Variants in SPATS1 observed in about 807,000 individuals in gnomAD.
SPATS1 encodes spermatogenesis-associated serine-rich protein 1.
In SPATS1, 23 loss-of-function variants were observed where a neutral mutation model predicts 33.6. The observed-to-expected ratio is 0.68, with a 90% CI of 0.49 to 0.97. The LOEUF (loss-of-function observed/expected upper bound fraction) is 0.97. SPATS1 is among the 50% of genes least tolerant of loss of function. SPATS1 has a pLI of 0.00. For synonymous variants in SPATS1, 131 were observed against 125.6 expected (o/e 1.04, Z -0.29); for missense variants, 327 against 361.0 (o/e 0.91, Z 0.76).
rs55976441 is a variant in SPATS1, at chr6:44,379,599, CAAAAAAAAAAAAA to C, written c.*2552_*2564del. 1.8e-5 allele frequency among the ~76,000 whole-genome samples: 1 copy of C among 54,742 alleles called. No individual in the cohort carries two copies. The highest frequency in any genetic ancestry group is 3.1e-5 in the Non-Finnish European group (1 of 32,096). The allele number at this position is 54,742 out of a possible 152,430, so 35.9% of individuals were successfully genotyped here. A position where few individuals can be genotyped will look rare whatever the true frequency, so the allele number is the denominator to read the frequency against. ...TGGGCAACAGAGTGAGACTCTGTCT[CAAAAAAAAAAAAA>C]AAAAAAAAAAAAAAAGAAAGAAAGA... On this transcript the variant is annotated 3_prime_UTR_variant, in exon 9 of 9. Coordinates refer to ENST00000674044, the MANE Select transcript of SPATS1 (RefSeq NM_001372081.1).
At chr6:44,366,296 G>A (rs996250609) in intron 5 of SPATS1, among the ~76,000 whole-genome samples, 1 of 151,760 alleles carries the variant, frequency 6.6e-6, no homozygotes, top group Admixed American at 6.6e-5. Context: ...AGCTAATTTT[G>A]TATTTTTAGT....
intron 2 of SPATS1, among the ~76,000 whole-genome samples, chr6:44,351,122 C>CAAAAAAAAAAAAAAAA (rs34139961): frequency 1.3e-5 from 1 of 75,516 alleles, no homozygotes; most frequent in Non-Finnish European, 2.6e-5. Flanking sequence ...GACTCTGTGT[C>CAAAAAAAAAAAAAAAA]AAAAAAAAAA....
rs571680001 is a variant in SPATS1, at chr6:44,343,228, A to T, written c.133A>T (p.Thr45Ser). Reference sequence around the variant, plus strand: ...CTCTGGCATGACCGAGGTGGAGAGGACCTACAGTTGAGTTCTAAGAAATCC... The same window carrying T: ...CTCTGGCATGACCGAGGTGGAGAGGTCCTACAGTTGAGTTCTAAGAAATCC... ...RDSGMTEVER[T>S]YSANCSDFLE... Residue 45 changes from threonine (T) to serine (S), a missense_variant, in exon 2 of 9, where the codon ACC (threonine) becomes TCC (serine). Transcript: ENST00000674044. 2.5e-6 allele frequency: 4 copies of T among 1,613,270 alleles called. No homozygotes were observed. The highest frequency in any genetic ancestry group is 3.4e-6 in the Non-Finnish European group (4 of 1,179,792).
intron 1 of SPATS1, 136 bp from the exon 2 acceptor site, chr6:44,342,960 C>G: frequency 7.9e-7 from 1 of 1,273,572 alleles, no homozygotes; most frequent in East Asian, 2.6e-5. Context: ...GAGTAAGGCT[C>G]CCGTTTAGAG....
chr6:44,345,841 G>A (rs1173613639), intron 2 of SPATS1, among the ~76,000 whole-genome samples: 12 of 152,144 alleles, frequency 7.9e-5, no homozygotes, highest in East Asian at 1.9e-4. Flanking sequence ...CATAGGCTTC[G>A]GAAGTCACAT....
chr6:44,344,390 C>CGT (rs70993448), intron 2 of SPATS1, among the ~76,000 whole-genome samples: 17,825 of 145,278 alleles, frequency 0.12, 1,189 homozygotes, highest in Admixed American at 0.25. Context: ...ATTGAAGATA[C>CGT]GTGTGTGTGT....
chr6:44,377,304 A>G lies in SPATS1; in HGVS notation c.*241A>G. 1 of 570,998 alleles carries G rather than the reference A, an allele frequency of 1.8e-6. No individual in the cohort carries two copies. Among genetic ancestry groups the G allele is most frequent in the Admixed American group, 3.1e-5 (1 of 32,440 alleles). The allele number at this position is 570,998 out of a possible 1,614,324, so 35.4% of individuals were successfully genotyped here. On this transcript the variant is annotated 3_prime_UTR_variant, in exon 9 of 9. Coordinates refer to ENST00000674044, the MANE Select transcript of SPATS1 (RefSeq NM_001372081.1). Reference sequence around the variant, plus strand: ...TTCTATCATTGTTAATATTTGTTCAAACTTTCTCTCTCTCACAATATTACA... The same window carrying G: ...TTCTATCATTGTTAATATTTGTTCAGACTTTCTCTCTCTCACAATATTACA...
At chr6:44,351,580 C>A (rs1788247807) in intron 2 of SPATS1, among the ~76,000 whole-genome samples, 1 of 152,132 alleles carries the variant, frequency 6.6e-6, no homozygotes, top group Non-Finnish European at 1.5e-5. Flanking sequence ...TATGCATAAT[C>A]TTTTCATCGG....
At chr6:44,346,069 T>C (rs1225792344) in intron 2 of SPATS1, among the ~76,000 whole-genome samples, 1 of 151,952 alleles carries the variant, frequency 6.6e-6, no homozygotes, top group Non-Finnish European at 1.5e-5. Flanking sequence ...TCACTTGAGC[T>C]CAGGAGTTTG....
At position 44,371,944 on chromosome 6, in the gene SPATS1, CAAAAAA is replaced by C. The variant is rs1217507871; in HGVS notation, c.758+1844_758+1849del. Among the ~76,000 whole-genome samples, 3 of 67,770 alleles carry C rather than the reference CAAAAAA, an allele frequency of 4.4e-5. No homozygotes were observed. The East Asian group carries it at 9.6e-4, about 22-fold the overall frequency. 44.5% of individuals were successfully genotyped at this position (67,770 alleles called of 152,430 possible). A position where few individuals can be genotyped will look rare whatever the true frequency, so the allele number is the denominator to read the frequency against. ...TGGGCGACACAGCGAGACTCCGTCT[CAAAAAA>C]AAAAAAAAAAAAGATTTTTGTTTGC... On this transcript the variant is annotated intron_variant, in intron 7 of 8. Transcript: ENST00000674044.
chr6:44,352,756 AG>A lies in SPATS1; in HGVS notation c.173del (p.Gly58AspfsTer38). The stretch of plus-strand genomic sequence containing the variant: ...AATTGCAGTGATTTTCTGGAATCTA[AG>A]GGATGTTTTGCCAACACAACACCCT... ...SANCSDFLES[K>X]GCFANTTPSG... On this transcript the variant is annotated frameshift_variant, in exon 3 of 9. Coordinates refer to ENST00000674044, the MANE Select transcript of SPATS1 (RefSeq NM_001372081.1). LOFTEE classifies it high-confidence loss of function. 6.2e-7 allele frequency: 1 copy of A among 1,614,158 alleles called. No individual in the cohort carries two copies. Among genetic ancestry groups the A allele is most frequent in the Non-Finnish European group, 8.5e-7 (1 of 1,180,010 alleles).
intron 7 of SPATS1, among the ~76,000 whole-genome samples, chr6:44,375,423 AT>A (rs1170778673): frequency 6.6e-6 from 1 of 152,180 alleles, no homozygotes; most frequent in Non-Finnish European, 1.5e-5. Context: ...GCCTTGGGAG[AT>A]AGGACATCAG....
intron 5 of SPATS1, among the ~76,000 whole-genome samples, chr6:44,367,959 C>T (rs554664240): frequency 7.2e-4 from 110 of 152,298 alleles, no homozygotes; most frequent in Admixed American, 1.6e-3. Flanking sequence ...TAGTTGGTTT[C>T]CTTCCTGGAC....
At chr6:44,345,541 T>C (rs778413342) in intron 2 of SPATS1, among the ~76,000 whole-genome samples, 3 of 152,174 alleles carry the variant, frequency 2.0e-5, no homozygotes, top group Non-Finnish European at 4.4e-5. Flanking sequence ...CAACCAATTC[T>C]TGCTTGGGTG....
chr6:44,367,475 A>G lies in SPATS1; in HGVS notation c.575-904A>G, dbSNP rs1278005423. ...AGTGTAATACAGTCAGTTATTGAAA[A>G]GGTTTTTGAAAGAGAAAGACAAAAA... On this transcript the variant is annotated intron_variant, in intron 5 of 8. Transcript: ENST00000674044. 9.2e-5 allele frequency among the ~76,000 whole-genome samples: 14 copies of G among 152,370 alleles called. No individual in the cohort carries two copies. In the East Asian group the frequency reaches 2.5e-3, roughly 27 times the overall value.
At position 44,360,509 on chromosome 6, in the gene SPATS1, G is replaced by A. The variant is rs767172409; in HGVS notation, c.351G>A (p.Ser117=). Residue 117 remains serine (S), a synonymous_variant, in exon 4 of 9, where the codon TCG becomes TCA. Coordinates refer to ENST00000674044, the MANE Select transcript of SPATS1 (RefSeq NM_001372081.1). The stretch of plus-strand genomic sequence containing the variant: ...ATTCTGATCACTCCTCTGAAATGTC[G>A]TTGCCTGAAGTCCAAAAGGATAAAT... ...FSHSDHSSEM[S]LPEVQKDKYP... is the part of the protein sequence containing the mutation. The A allele has an allele frequency of 1.9e-5, 30 of 1,613,956 alleles. No individual in the cohort carries two copies. The highest frequency in any genetic ancestry group is 6.7e-5 in the East Asian group (3 of 44,900).
chr6:44,359,914 T>C (rs1397246526), intron 3 of SPATS1, among the ~76,000 whole-genome samples: 8 of 152,234 alleles, frequency 5.3e-5, no homozygotes, highest in Admixed American at 5.2e-4. Flanking sequence ...TTGTATGTGT[T>C]ATGTACCACA....
In SPATS1 at chr6:44,377,023, C is replaced by A. The variant is rs760167571; in HGVS notation, c.875-12C>A. Reference sequence around the variant, plus strand: ...TGGAAGAAAACCTGTAACTCCATGCCTCTATCCACAGGTGCTTTGGACTTT... The same window carrying A: ...TGGAAGAAAACCTGTAACTCCATGCATCTATCCACAGGTGCTTTGGACTTT... On this transcript the variant is annotated splice_polypyrimidine_tract_variant and intron_variant, in intron 8 of 8. Transcript: ENST00000674044. 1.9e-6 allele frequency: 3 copies of A among 1,614,132 alleles called. No individual in the cohort carries two copies. Among genetic ancestry groups the A allele is most frequent in the Non-Finnish European group, 2.5e-6 (3 of 1,179,992 alleles).
intron 1 of SPATS1, 138 bp downstream of exon 1, chr6:44,342,906 TG>T: frequency 1.6e-6 from 2 of 1,264,302 alleles, no homozygotes; most frequent in Non-Finnish European, 1.1e-6. Context: ...GCGGACTCGC[TG>T]GGGCTCCCAG....
Sources: gnomAD v4.1 joint callset for allele counts (sites outside exome capture counted in the v4.1 genomes callset) on GRCh38, gnomAD v4.1.1 for gene constraint, MANE v1.5 for transcripts, NCBI Gene and HGNC (gene_info 2026-07-23, HGNC 2026-07-21) for gene names.